Variants in MYSM1 observed in about 807,000 individuals in gnomAD.
MYSM1 encodes deubiquitinase MYSM1.
Under a neutral mutation model 116.0 loss-of-function variants are expected in MYSM1, and 51 were observed. The observed-to-expected ratio is 0.44, with a 90% CI of 0.35 to 0.56. The LOEUF is 0.56. Ranked by LOEUF, MYSM1 falls within the 20% of genes least tolerant of loss-of-function variation. The probability of loss-of-function intolerance (pLI) is 0.00; values close to 1 mark genes in which losing one functional copy is unlikely to be tolerated. For missense variants in MYSM1, 900 were observed against 974.9 expected, an observed-to-expected ratio of 0.92 and a Z score of 1.02; for synonymous variants, 313 against 315.2, an observed-to-expected ratio of 0.99 and a Z score of 0.07.
chr1:58,692,934 A>G lies in MYSM1; in HGVS notation c.148-3T>C. The stretch of plus-strand genomic sequence containing the variant: ...ATGGTGTTATCCAAGGTCCAAGGCT[A>G]TTAAAAAAGAGAATATATTTGTCTT... On this transcript the variant is annotated splice_polypyrimidine_tract_variant and splice_region_variant and intron_variant, in intron 2 of 19. Coordinates refer to ENST00000472487, the MANE Select transcript of MYSM1 (RefSeq NM_001085487.3). 1 of 1,585,916 alleles carries G rather than the reference A, an allele frequency of 6.3e-7. No individual in the cohort carries two copies. Among genetic ancestry groups the G allele is most frequent in the Non-Finnish European group, 8.5e-7 (1 of 1,169,752 alleles).
intron 17 of MYSM1, among the ~76,000 whole-genome samples, chr1:58,662,375 T>C (rs188877266): frequency 6.6e-6 from 1 of 152,146 alleles, no homozygotes; most frequent in East Asian, 1.9e-4. Context: ...GATACCATCA[T>C]AGTAACACTT....
chr1:58,695,009 G>T, intron 2 of MYSM1, 120 bp downstream of exon 2: 1 of 464,352 alleles, frequency 2.2e-6, no homozygotes, highest in Non-Finnish European at 3.7e-6. Context: ...TTCTAAAAAA[G>T]AAAAATATTA....
chr1:58,666,495 T>G (rs1314419764), intron 16 of MYSM1, among the ~76,000 whole-genome samples: 2 of 151,704 alleles, frequency 1.3e-5, no homozygotes, highest in Non-Finnish European at 2.9e-5. Context: ...TTTCTAAATG[T>G]TTACATAAAC....
chr1:58,661,266 T>C (rs1644387125), intron 18 of MYSM1, 39 bp from the exon 19 acceptor site: 4 of 1,487,492 alleles, frequency 2.7e-6, no homozygotes, highest in Non-Finnish European at 3.8e-6. Context: ...GTGAAACGAA[T>C]ACTATAAACT....
At chr1:58,691,738 G>A (rs1644908681) in intron 3 of MYSM1, among the ~76,000 whole-genome samples, 1 of 152,046 alleles carries the variant, frequency 6.6e-6, no homozygotes, top group Non-Finnish European at 1.5e-5. Flanking sequence ...GTGGTGGTGT[G>A]CGCCCATAAT....
intron 17 of MYSM1, among the ~76,000 whole-genome samples, chr1:58,665,158 C>T (rs1398308528): frequency 6.6e-6 from 1 of 152,026 alleles, no homozygotes; most frequent in Non-Finnish European, 1.5e-5. Flanking sequence ...CAGAGAAAGC[C>T]AGTCTGCATT....
rs1644390546 is a variant in MYSM1 at position 58,661,420 on chromosome 1, G to A, written c.2256C>T (p.Tyr752=). The change falls in exon 18 of 20, where the codon TAC becomes TAT. Residue 752 remains tyrosine (Y), a synonymous_variant. Coordinates refer to ENST00000472487, the MANE Select transcript of MYSM1 (RefSeq NM_001085487.3). ...ACAGTACATACCTATGGGAGAGCCT[G>A]TATTTTTCTATTATCCATCTTGTCT... ...FEKTRWIIEK[Y]RLSHSSVPMD... is the part of the protein sequence containing the mutation. The A allele has an allele frequency of 1.9e-6, 3 of 1,579,400 alleles. No homozygotes were observed. The highest frequency in any genetic ancestry group is 2.2e-5 in the South Asian group (2 of 90,252).
Position 58,676,996 on chromosome 1 carries a change from A to G in MYSM1, c.1320T>C (p.Cys440=). ...TCCGTCCAATACAATTAACATCTCC[A>G]CAGTTCTTCAGGCCAGGACGTACTG... ...KTSVRPGLKN[C]GDVNCIGRIH... is the part of the protein sequence containing the mutation. The change falls in exon 9 of 20, where the codon TGT becomes TGC. Residue 440 remains cysteine (C), a synonymous_variant. Coordinates refer to ENST00000472487, the MANE Select transcript of MYSM1 (RefSeq NM_001085487.3). 1 of 1,612,030 alleles carries G rather than the reference A, an allele frequency of 6.2e-7. No homozygotes were observed. The highest frequency in any genetic ancestry group is 1.1e-5 in the South Asian group (1 of 90,962).
chr1:58,682,471 T>C lies in MYSM1; in HGVS notation c.573A>G (p.Lys191=). 6.2e-7 allele frequency: 1 copy of C among 1,613,994 alleles called. No homozygotes were observed. Among genetic ancestry groups the C allele is most frequent in the Non-Finnish European group, 8.5e-7 (1 of 1,179,942 alleles). The change falls in exon 8 of 20, where the codon AAA becomes AAG. Residue 191 remains lysine (K), a synonymous_variant. Transcript: ENST00000472487. ...ATGATGGTGTCCATGCCTTTGTCCCTTTATCTTCATTTTTAACTTGAAGAT... is the reference window on the plus strand; with the variant it reads ...ATGATGGTGTCCATGCCTTTGTCCCCTTATCTTCATTTTTAACTTGAAGAT... ...GHNLQVKNED[K]GTKAWTPSCL...
At position 58,663,319 on chromosome 1, in the gene MYSM1, C is replaced by T. The variant is rs578254781; in HGVS notation, c.2165-1808G>A. ...AAGTTAAAAAAGGTACTTTTAAAGTCAATAAGTTTCTTTTATAGAGAATAT... is the reference window on the plus strand; with the variant it reads ...AAGTTAAAAAAGGTACTTTTAAAGTTAATAAGTTTCTTTTATAGAGAATAT... On this transcript the variant is annotated intron_variant, in intron 17 of 19. Coordinates refer to ENST00000472487, the MANE Select transcript of MYSM1 (RefSeq NM_001085487.3). 9.2e-3 allele frequency among the ~76,000 whole-genome samples: 289 copies of T among 31,480 alleles called. 1 individual carries two copies. The highest frequency in any genetic ancestry group is 0.037 in the African/African-American group (276 of 7,420). The allele number at this position is 31,480 out of a possible 152,430, so 20.7% of individuals were successfully genotyped here. A position where few individuals can be genotyped will look rare whatever the true frequency, so the allele number is the denominator to read the frequency against.
chr1:58,673,434 C>CT (rs1431416695), intron 11 of MYSM1, 139 bp downstream of exon 11: 3 of 703,366 alleles, frequency 4.3e-6, no homozygotes, highest in Non-Finnish European at 7.1e-6. Flanking sequence ...TTACTGGTGA[C>CT]TTCCAGACAA....
At chr1:58,676,011 G>A (rs961277969) in intron 9 of MYSM1, among the ~76,000 whole-genome samples, 1 of 152,154 alleles carries the variant, frequency 6.6e-6, no homozygotes, top group South Asian at 2.1e-4. Context: ...CTTCTTGTTA[G>A]TTGTCTCCCT....
chr1:58,654,931 G>C lies in MYSM1; in HGVS notation c.*5066C>G, dbSNP rs1557497131. 6.6e-6 allele frequency: 1 copy of C among 152,042 alleles called. No homozygotes were observed. Among genetic ancestry groups the C allele is most frequent in the Non-Finnish European group, 1.5e-5 (1 of 67,976 alleles). 9.4% of individuals were successfully genotyped at this position (152,042 alleles called of 1,614,324 possible). A position where few individuals can be genotyped will look rare whatever the true frequency, so the allele number is the denominator to read the frequency against. ...GGTATTTACAACATTTTTAAATACA[G>C]ACATATACAACATGGCATATTTAAA... On this transcript the variant is annotated 3_prime_UTR_variant, in exon 20 of 20. Coordinates refer to ENST00000472487, the MANE Select transcript of MYSM1 (RefSeq NM_001085487.3).
chr1:58,682,821 G>A (rs1183827377), intron 7 of MYSM1, among the ~76,000 whole-genome samples: 2 of 151,372 alleles, frequency 1.3e-5, no homozygotes, highest in South Asian at 2.1e-4. Context: ...TCAGCCTCCC[G>A]AATAGCTGGG....
Position 58,675,477 on chromosome 1 carries a change from C to T in MYSM1, c.1494G>A (p.Met498Ile). ...ATCACTGAGAGAGATGACTGCTTACCATAGACTGCAGACGCTGGGCAAGTT... is the reference window on the plus strand; with the variant it reads ...ATCACTGAGAGAGATGACTGCTTACTATAGACTGCAGACGCTGGGCAAGTT... ...AYQLAQRLQS[M>I]RTRRRRVRDP... is the part of the protein sequence containing the mutation. Residue 498 changes from methionine (M) to isoleucine (I), a missense_variant and splice_region_variant, in exon 10 of 20, where the codon ATG becomes ATA. This residue lies in a region of MYSM1 where 622 missense variants were observed against 623.7 expected (regional missense o/e 1.00). Transcript: ENST00000472487. 6.2e-7 allele frequency: 1 copy of T among 1,606,018 alleles called. No individual in the cohort carries two copies. The highest frequency in any genetic ancestry group is 2.2e-5 in the East Asian group (1 of 44,780).
intron 19 of MYSM1, among the ~76,000 whole-genome samples, chr1:58,660,410 A>G (rs1326647990): frequency 6.6e-6 from 1 of 152,118 alleles, no homozygotes; most frequent in Non-Finnish European, 1.5e-5. Flanking sequence ...TGTTTATGTG[A>G]TGCTTTCTAC....
At chr1:58,665,245 G>A (rs1349636503) in intron 17 of MYSM1, among the ~76,000 whole-genome samples, 2 of 152,098 alleles carry the variant, frequency 1.3e-5, no homozygotes, top group South Asian at 2.1e-4. Context: ...CACACTGCCT[G>A]GCCATAACTT....
chr1:58,661,409 TG>T lies in MYSM1; in HGVS notation c.2266del (p.His756IlefsTer16). On this transcript the variant is annotated frameshift_variant, in exon 18 of 20. Transcript: ENST00000472487. LOFTEE classifies it high-confidence loss of function. ...RWIIEKYRLSHSSVPMDKIFR... is the reference protein window; with the variant it reads ...RWIIEKYRLSXSSVPMDKIFR... ...CATCTCAAACCACAGTACATACCTA[TG>T]GGAGAGCCTGTATTTTTCTATTATC... The T allele has an allele frequency of 6.4e-7, 1 of 1,550,678 alleles. No homozygotes were observed. Among genetic ancestry groups the T allele is most frequent in the Non-Finnish European group, 8.9e-7 (1 of 1,123,096 alleles).
At chr1:58,697,407 T>A (rs1250062872) in intron 1 of MYSM1, among the ~76,000 whole-genome samples, 1 of 152,072 alleles carries the variant, frequency 6.6e-6, no homozygotes, top group African/African-American at 2.4e-5. Flanking sequence ...AGGTCAAAAA[T>A]GGTTTAACAC....
Sources: gnomAD v4.1 joint callset for allele counts (sites outside exome capture counted in the v4.1 genomes callset) on GRCh38, gnomAD v4.1.1 for gene constraint, gnomAD v4.1.1 regional missense constraint, MANE v1.5 for transcripts, NCBI Gene and HGNC (gene_info 2026-07-23, HGNC 2026-07-21) for gene names.